Variants in LIN7A observed in about 807,000 individuals in gnomAD.
The protein encoded by LIN7A is lin-7 cell polarity scaffold A, also known as protein lin-7 homolog A.
LIN7A carries 25 observed loss-of-function variants against 29.8 expected under a neutral mutation model. The observed-to-expected ratio is 0.84, with a 90% confidence interval of 0.61 to 1.17. LIN7A has a LOEUF of 1.17. LIN7A is among the 50% of genes most tolerant of loss of function. The pLI is 0.00. For synonymous variants in LIN7A, 118 were observed against 107.5 expected (o/e 1.10, Z -0.60); for missense variants, 239 against 287.0 (o/e 0.83, Z 1.21).
intron 4 of LIN7A, among the ~76,000 whole-genome samples, chr12:80,813,758 G>T (rs890099075): frequency 2.0e-4 from 30 of 152,224 alleles, no homozygotes; most frequent in African/African-American, 6.7e-4. Flanking sequence ...CCCTACATAA[G>T]GAAACCCTGG....
chr12:80,802,855 A>G (rs1870787664), intron 5 of LIN7A, among the ~76,000 whole-genome samples: 1 of 152,004 alleles, frequency 6.6e-6, no homozygotes, highest in Non-Finnish European at 1.5e-5. Context: ...GTGAAACCTC[A>G]CTGTGGTTTT....
intron 5 of LIN7A, among the ~76,000 whole-genome samples, chr12:80,803,584 T>G (rs1178834023): frequency 1.3e-5 from 2 of 152,198 alleles, no homozygotes; most frequent in Non-Finnish European, 2.9e-5. Flanking sequence ...TGGTTCTTTA[T>G]GCTCAAAGTT....
chr12:80,893,130 C>A (rs1488024170), intron 1 of LIN7A, among the ~76,000 whole-genome samples: 1 of 152,112 alleles, frequency 6.6e-6, no homozygotes, highest in Non-Finnish European at 1.5e-5. Flanking sequence ...TTTTAGGTTT[C>A]TTTCATTCCA....
intron 4 of LIN7A, among the ~76,000 whole-genome samples, chr12:80,818,740 A>G (rs1329011922): frequency 1.3e-5 from 2 of 152,202 alleles, no homozygotes; most frequent in Non-Finnish European, 2.9e-5. Flanking sequence ...TATAAATACA[A>G]AACTCTGATC....
rs548864008 is a variant in LIN7A at position 80,832,381 on chromosome 12, C to T, written c.483+13349G>A. On this transcript the variant is annotated intron_variant, in intron 4 of 5. Transcript: ENST00000552864. ...GTGATATTCTTACAATAACGTTTGC[C>T]TGTAGAGACAGATTCAATACCAAAT... Among the ~76,000 whole-genome samples, 3 of 152,240 alleles carry T rather than the reference C, an allele frequency of 2.0e-5. No individual in the cohort carries two copies. In the East Asian group the frequency reaches 5.8e-4, roughly 29 times the overall value.
At chr12:80,893,675 A>T (rs190316865) in intron 1 of LIN7A, among the ~76,000 whole-genome samples, 10 of 152,314 alleles carry the variant, frequency 6.6e-5, no homozygotes, top group Admixed American at 2.6e-4. Flanking sequence ...GACAGAAACA[A>T]TTGTAGCTAG....
At chr12:80,853,800 G>A (rs764607639) in intron 2 of LIN7A, among the ~76,000 whole-genome samples, 7 of 152,150 alleles carry the variant, frequency 4.6e-5, no homozygotes, top group Middle Eastern at 3.4e-3. Flanking sequence ...AGATTCAAGC[G>A]ATTCTGCTGT....
chr12:80,884,150 A>G (rs1875209175), intron 2 of LIN7A, among the ~76,000 whole-genome samples: 1 of 152,194 alleles, frequency 6.6e-6, no homozygotes, highest in Non-Finnish European at 1.5e-5. Flanking sequence ...GGCTATAGGT[A>G]CTTATATTGG....
chr12:80,879,232 T>C (rs1874887902), intron 2 of LIN7A, among the ~76,000 whole-genome samples: 1 of 151,754 alleles, frequency 6.6e-6, no homozygotes, highest in Non-Finnish European at 1.5e-5. Context: ...CAACTGATAT[T>C]ATAGACCTTA....
At chr12:80,834,926 G>A (rs1872540367) in intron 4 of LIN7A, among the ~76,000 whole-genome samples, 2 of 152,314 alleles carry the variant, frequency 1.3e-5, no homozygotes, top group Admixed American at 6.5e-5. Flanking sequence ...CCAACAGTCT[G>A]TAGACCAGCA....
chr12:80,836,726 C>T (rs891235452), intron 4 of LIN7A, among the ~76,000 whole-genome samples: 1 of 151,866 alleles, frequency 6.6e-6, no homozygotes, highest in Non-Finnish European at 1.5e-5. Flanking sequence ...TACATGGCTC[C>T]TTGTTTTCTT....
At chr12:80,901,094 A>G (rs1006699597) in intron 1 of LIN7A, among the ~76,000 whole-genome samples, 1 of 152,188 alleles carries the variant, frequency 6.6e-6, no homozygotes, top group African/African-American at 2.4e-5. Flanking sequence ...TAGAAAATGA[A>G]TATGATGGGC....
chr12:80,848,255 GCT>G lies in LIN7A; in HGVS notation c.267_268del (p.Ala90LysfsTer10). The G allele has an allele frequency of 6.2e-7, 1 of 1,611,666 alleles. No individual in the cohort carries two copies. The highest frequency in any genetic ancestry group is 8.5e-7 in the Non-Finnish European group (1 of 1,178,018). On this transcript the variant is annotated frameshift_variant, in exon 3 of 6. Transcript: ENST00000552864. LOFTEE classifies it high-confidence loss of function. ...TTAAAGTTACTCAAGCCTTACCTTT[GCT>G]GTTGCCCTCGCACGGAATTCGGGAC...
chr12:80,921,468 GTCT>G (rs962770464), intron 1 of LIN7A, among the ~76,000 whole-genome samples: 3 of 80,506 alleles, frequency 3.7e-5, no homozygotes, highest in East Asian at 7.2e-4. Context: ...CCTGACGAGG[GTCT>G]TCTTCTGGTT....
intron 5 of LIN7A, among the ~76,000 whole-genome samples, chr12:80,800,585 G>T (rs1407803366): frequency 1.5e-5 from 2 of 129,490 alleles, no homozygotes; most frequent in African/African-American, 2.8e-5. Context: ...ATTTATAAAA[G>T]AAATCGAATC....
chr12:80,842,240 C>CTG (rs1276910594), intron 4 of LIN7A: 22 of 652,122 alleles, frequency 3.4e-5, no homozygotes, highest in Non-Finnish European at 4.6e-5. Flanking sequence ...GTTAATAGTT[C>CTG]TGTGTGTGTA....
At chr12:80,844,950 A>G (rs1872990373) in intron 4 of LIN7A, among the ~76,000 whole-genome samples, 1 of 152,074 alleles carries the variant, frequency 6.6e-6, no homozygotes, top group South Asian at 2.1e-4. Flanking sequence ...GGCTTCAAGA[A>G]TTTTGAGGCC....
At position 80,800,413 on chromosome 12, in the gene LIN7A, C is replaced by T. The variant is rs370002489; in HGVS notation, c.*1-2687G>A. 5.5e-5 allele frequency among the ~76,000 whole-genome samples: 8 copies of T among 144,746 alleles called. No homozygotes were observed. The East Asian group carries it at 8.3e-4, about 15-fold the overall frequency. 95.0% of individuals were successfully genotyped at this position (144,746 alleles called of 152,430 possible). On this transcript the variant is annotated intron_variant, in intron 5 of 5. Transcript: ENST00000552864. Reference sequence around the variant, plus strand: ...CTGAGGCAGGAGAATTGCTTGAACCCGGGAGGTGGAGGTTGCAGTGAGCTG... The same window carrying T: ...CTGAGGCAGGAGAATTGCTTGAACCTGGGAGGTGGAGGTTGCAGTGAGCTG...
intron 1 of LIN7A, 151 bp from the exon 2 acceptor site, chr12:80,889,520 T>A (rs941920818): frequency 1.7e-6 from 1 of 595,606 alleles, no homozygotes; most frequent in Non-Finnish European, 3.0e-6. Context: ...TTTGGTCTCA[T>A]CTTTTGGTAA....
Sources: allele counts gnomAD v4.1 joint callset (sites outside exome capture counted in the v4.1 genomes callset), GRCh38; gene constraint gnomAD v4.1.1; transcripts MANE v1.5; gene names NCBI Gene and HGNC (gene_info 2026-07-23, HGNC 2026-07-21).